Variants in FRAS1 observed in about 807,000 individuals in gnomAD.
FRAS1 encodes the protein extracellular matrix organizing protein FRAS1.
FRAS1 carries 290 observed loss-of-function variants against 435.2 expected under a neutral mutation model. The observed-to-expected ratio is 0.67, with a 90% CI of 0.61 to 0.73. The LOEUF is 0.73. FRAS1 is among the 30% of genes least tolerant of loss of function. The pLI, the probability that FRAS1 is intolerant of heterozygous loss-of-function variation, is 0.00. For missense variants in FRAS1, 4,860 were observed against 5,001.5 expected, an observed-to-expected ratio of 0.97 and a Z score of 0.85; for synonymous variants, 1,800 against 1,851.0, an observed-to-expected ratio of 0.97 and a Z score of 0.71.
At chr4:78,535,436 G>A (rs1721850870) in intron 71 of FRAS1, among the ~76,000 whole-genome samples, 1 of 152,176 alleles carries the variant, frequency 6.6e-6, no homozygotes, top group African/African-American at 2.4e-5. Flanking sequence ...CAAGCAGCAT[G>A]TCTTTCAGAC....
intron 1 of FRAS1, among the ~76,000 whole-genome samples, chr4:78,061,989 GTTGTGGACTCTTAT>G (rs777516088): frequency 4.6e-5 from 7 of 152,160 alleles, no homozygotes; most frequent in Non-Finnish European, 8.8e-5. Context: ...AAGAGGTGTT[GTTGTGGACTCTTAT>G]TTTCATCAAT....
intron 32 of FRAS1, among the ~76,000 whole-genome samples, chr4:78,416,829 A>C (rs1379158547): frequency 3.3e-5 from 5 of 152,012 alleles, no homozygotes; most frequent in African/African-American, 1.2e-4. Flanking sequence ...TAGGGGAGGC[A>C]AGAGAGCAAT....
At position 78,301,615 on chromosome 4, in the gene FRAS1, C is replaced by G. The variant is rs533621482; in HGVS notation, c.1535-6451C>G. Among the ~76,000 whole-genome samples, 22 of 152,244 alleles carry G rather than the reference C, an allele frequency of 1.4e-4. No homozygotes were observed. In the East Asian group the frequency reaches 3.9e-3, roughly 27 times the overall value. On this transcript the variant is annotated intron_variant, in intron 14 of 73. Coordinates refer to ENST00000512123, the MANE Select transcript of FRAS1 (RefSeq NM_025074.7). ...TAGAGTCCAGGGAATCCCTCCTCAG[C>G]TGATTCTGATGGTGCTGCAGGTGGG...
Position 78,511,296 on chromosome 4 carries a change from G to A in FRAS1, c.9803G>A (p.Ser3268Asn), listed in dbSNP as rs1302884606. The A allele has an allele frequency of 1.2e-6, 2 of 1,602,914 alleles. No homozygotes were observed. Among genetic ancestry groups the A allele is most frequent in the Admixed American group, 1.7e-5 (1 of 59,652 alleles). ...TAGGTCCTGGACAGCATTTACTTCA[G>A]CCGGAGGTTCCATGTGCGTTGTGTG... is the stretch of plus-strand genomic sequence containing the variant. ...NHMVLDSIYFSRRFHVRCVAK... is the reference protein window; with the variant it reads ...NHMVLDSIYFNRRFHVRCVAK... Residue 3268 changes from serine to asparagine, a missense_variant, in exon 64 of 74, where the codon AGC becomes AAC. Ser to Asn is a conservative substitution (Grantham distance 46). Transcript: ENST00000512123.
chr4:78,240,628 A>G (rs1280588301), intron 3 of FRAS1, among the ~76,000 whole-genome samples: 2 of 152,232 alleles, frequency 1.3e-5, no homozygotes, highest in African/African-American at 4.8e-5. Context: ...GTAGCTGGAT[A>G]TGTAAGTCTA....
At chr4:78,496,425 A>AC (rs1720508035) in intron 59 of FRAS1, among the ~76,000 whole-genome samples, 1 of 151,944 alleles carries the variant, frequency 6.6e-6, no homozygotes, top group Non-Finnish European at 1.5e-5. Context: ...AGTATGTTAA[A>AC]CCCCCGTCAT....
chr4:78,305,208 T>G (rs1485098256), intron 14 of FRAS1, among the ~76,000 whole-genome samples: 1 of 152,054 alleles, frequency 6.6e-6, no homozygotes, highest in Non-Finnish European at 1.5e-5. Context: ...CTAGTTTGAT[T>G]GCACTGTGGT....
intron 59 of FRAS1, among the ~76,000 whole-genome samples, chr4:78,489,853 A>G (rs1720288347): frequency 6.6e-6 from 1 of 151,850 alleles, no homozygotes. Flanking sequence ...ATCCCAGTAT[A>G]GGACCAAATA....
At chr4:78,089,996 G>T (rs892231777) in intron 2 of FRAS1, among the ~76,000 whole-genome samples, 3 of 151,962 alleles carry the variant, frequency 2.0e-5, no homozygotes, top group Admixed American at 6.6e-5. Flanking sequence ...CCTATGTTAC[G>T]AACTTCACCT....
At chr4:78,390,563 A>T (rs1319949312) in intron 29 of FRAS1, among the ~76,000 whole-genome samples, 1 of 152,240 alleles carries the variant, frequency 6.6e-6, no homozygotes, top group Non-Finnish European at 1.5e-5. Context: ...GAATAAAGAC[A>T]GTAATTTAGT....
Position 78,379,853 on chromosome 4 carries a change from T to G in FRAS1, c.3420T>G (p.Phe1140Leu), listed in dbSNP as rs776855238. The G allele has an allele frequency of 6.2e-7, 1 of 1,613,930 alleles. No individual in the cohort carries two copies. The highest frequency in any genetic ancestry group is 1.3e-5 in the African/African-American group (1 of 75,022). ...AGGGTAGGGTCGAAGATCTCCTATT[T>G]CATGTTGTGAGCACTCCCACCAATG... ...DQEGRVEDLL[F>L]HVVSTPTNGQ... is the part of the protein sequence containing the mutation. The change falls in exon 27 of 74, where the codon TTT becomes TTG. Residue 1140 changes from phenylalanine (F) to leucine (L), a missense_variant. Physicochemically the swap from Phe to Leu is conservative, Grantham distance 22. Coordinates refer to ENST00000512123, the MANE Select transcript of FRAS1 (RefSeq NM_025074.7).
intron 2 of FRAS1, among the ~76,000 whole-genome samples, chr4:78,165,347 G>A (rs1721292956): frequency 6.6e-6 from 1 of 152,166 alleles, no homozygotes; most frequent in Admixed American, 6.5e-5. Flanking sequence ...CATTGTGTTT[G>A]TGTTGACTTG....
intron 47 of FRAS1, among the ~76,000 whole-genome samples, chr4:78,454,621 T>C (rs1578334656): frequency 2.6e-5 from 4 of 152,314 alleles, no homozygotes; most frequent in South Asian, 2.1e-4. Flanking sequence ...CTGCTGATTG[T>C]ATCTCTCCAA....
chr4:78,074,856 A>G (rs1740555251), intron 2 of FRAS1, among the ~76,000 whole-genome samples: 1 of 152,190 alleles, frequency 6.6e-6, no homozygotes, highest in African/African-American at 2.4e-5. Flanking sequence ...CTTTTAACCG[A>G]TAAGCTAAGT....
chr4:78,267,646 C>T (rs1253674717), intron 9 of FRAS1, among the ~76,000 whole-genome samples: 2 of 152,202 alleles, frequency 1.3e-5, no homozygotes, highest in African/African-American at 4.8e-5. Context: ...GATCTTTTAG[C>T]TCTCAGTACA....
At position 78,342,986 on chromosome 4, in the gene FRAS1, G is replaced by A. The variant is rs369736470; in HGVS notation, c.2422+5169G>A. Among the ~76,000 whole-genome samples the A allele has an allele frequency of 2.1e-4, 32 of 152,254 alleles. No individual in the cohort carries two copies. The South Asian group carries it at 6.6e-3, about 32-fold the overall frequency. ...GCAAAAGAAGACAAATATCAGTAAA[G>A]AAATATACTTTGAGTATTTTCATAC... On this transcript the variant is annotated intron_variant, in intron 20 of 73. Coordinates refer to ENST00000512123, the MANE Select transcript of FRAS1 (RefSeq NM_025074.7).
chr4:78,296,958 G>A (rs1169758977), intron 14 of FRAS1, among the ~76,000 whole-genome samples: 1 of 152,070 alleles, frequency 6.6e-6, no homozygotes, highest in Non-Finnish European at 1.5e-5. Context: ...TACAAATTAG[G>A]AAACCAAGGA....
At chr4:78,115,985 C>T (rs1243740589) in intron 2 of FRAS1, among the ~76,000 whole-genome samples, 1 of 152,182 alleles carries the variant, frequency 6.6e-6, no homozygotes, top group South Asian at 2.1e-4. Context: ...AAATTTCCGT[C>T]TACACACTGC....
intron 43 of FRAS1, 65 bp from the exon 44 acceptor site, chr4:78,447,988 T>C: frequency 7.2e-7 from 1 of 1,390,914 alleles, no homozygotes; most frequent in Non-Finnish European, 9.6e-7. Context: ...AATCAGACAA[T>C]GTTTTGAATC....
Sources: allele counts gnomAD v4.1 joint callset (sites outside exome capture counted in the v4.1 genomes callset), GRCh38; gene constraint gnomAD v4.1.1; transcripts MANE v1.5; gene names NCBI Gene and HGNC (gene_info 2026-07-23, HGNC 2026-07-21).